Variants in TBC1D5 observed in about 807,000 individuals in gnomAD.
The protein encoded by TBC1D5 is TBC1 domain family member 5, also known as TBC1 domain family, member 5.
In TBC1D5, 75 loss-of-function variants were observed where a neutral mutation model predicts 100.3. The ratio of observed to expected loss-of-function variants is 0.75; its 90% confidence interval spans 0.62 to 0.91. The LOEUF is 0.91. Among genes scored for constraint, TBC1D5 ranks in the 40% least tolerant of loss-of-function variants. TBC1D5 has a pLI of 0.00. For synonymous variants in TBC1D5, 323 were observed against 325.6 expected, an observed-to-expected ratio of 0.99 and a Z score of 0.09; for missense variants, 910 against 942.4, an observed-to-expected ratio of 0.97 and a Z score of 0.45.
intron 4 of TBC1D5, among the ~76,000 whole-genome samples, chr3:17,407,278 A>G (rs1005023707): frequency 7.2e-5 from 11 of 152,142 alleles, no homozygotes; most frequent in African/African-American, 1.2e-4. Flanking sequence ...TTGGAAATTA[A>G]TTGTCCCAAA....
chr3:17,220,404 A>T (rs1219987525), intron 17 of TBC1D5, among the ~76,000 whole-genome samples: 1 of 152,116 alleles, frequency 6.6e-6, no homozygotes, highest in African/African-American at 2.4e-5. Context: ...ATAACTAGAG[A>T]GGCTGAGTAT....
At chr3:17,446,654 A>C (rs2094802737) in intron 3 of TBC1D5, among the ~76,000 whole-genome samples, 1 of 152,232 alleles carries the variant, frequency 6.6e-6, no homozygotes, top group East Asian at 1.9e-4. Flanking sequence ...ATAAAAACAG[A>C]GACAAGTAAA....
chr3:17,393,947 T>C (rs1023604103), intron 8 of TBC1D5, among the ~76,000 whole-genome samples: 5 of 152,054 alleles, frequency 3.3e-5, no homozygotes, highest in African/African-American at 9.7e-5. Flanking sequence ...CCAAAAGCAA[T>C]GGCAACAAAA....
intron 2 of TBC1D5, among the ~76,000 whole-genome samples, chr3:17,560,390 G>A (rs2096550724): frequency 6.6e-6 from 1 of 152,096 alleles, no homozygotes; most frequent in Non-Finnish European, 1.5e-5. Context: ...GGACAAGTTG[G>A]GAGGATCACT....
At chr3:17,579,911 G>T (rs376327995) in intron 2 of TBC1D5, among the ~76,000 whole-genome samples, 16 of 152,106 alleles carry the variant, frequency 1.1e-4, no homozygotes, top group African/African-American at 3.9e-4. Context: ...ATAGGAAAAT[G>T]TGAGAATTCT....
intron 14 of TBC1D5, among the ~76,000 whole-genome samples, chr3:17,297,812 A>ACTC (rs1457752556): frequency 6.7e-6 from 1 of 148,434 alleles, no homozygotes; most frequent in African/African-American, 2.5e-5. Context: ...CTGGTCTTGA[A>ACTC]CTCCTGGGCT....
intron 2 of TBC1D5, among the ~76,000 whole-genome samples, chr3:17,619,480 A>C (rs998020877): frequency 1.8e-4 from 27 of 152,258 alleles, no homozygotes; most frequent in African/African-American, 6.3e-4. Flanking sequence ...ATAGAAATCT[A>C]ATATCTGTAA....
At chr3:17,530,827 C>T (rs1395518301) in intron 2 of TBC1D5, among the ~76,000 whole-genome samples, 1 of 152,094 alleles carries the variant, frequency 6.6e-6, no homozygotes, top group Admixed American at 6.6e-5. Flanking sequence ...ATTGATGGGA[C>T]GTATCTCAAA....
intron 16 of TBC1D5, among the ~76,000 whole-genome samples, chr3:17,250,070 G>A (rs954965786): frequency 6.6e-6 from 1 of 152,190 alleles, no homozygotes; most frequent in African/African-American, 2.4e-5. Context: ...CCTTCAATAT[G>A]TAAAAAATGC....
intron 3 of TBC1D5, among the ~76,000 whole-genome samples, chr3:17,498,872 C>T (rs1303611665): frequency 6.6e-6 from 1 of 151,826 alleles, no homozygotes; most frequent in Non-Finnish European, 1.5e-5. Context: ...AATATATCAG[C>T]TATATTAAAA....
chr3:17,443,936 C>A (rs1034988620), intron 3 of TBC1D5, among the ~76,000 whole-genome samples: 2 of 152,040 alleles, frequency 1.3e-5, no homozygotes, highest in African/African-American at 4.8e-5. Flanking sequence ...ACAATACAGC[C>A]TCCCAGTAAA....
chr3:17,459,613 A>AGGGGCT (rs1239711909), intron 3 of TBC1D5, among the ~76,000 whole-genome samples: 8 of 152,084 alleles, frequency 5.3e-5, no homozygotes, highest in Non-Finnish European at 8.8e-5. Flanking sequence ...TGGCTGGGTG[A>AGGGGCT]GGGGCTGGAT....
chr3:17,287,407 T>C (rs7650336), intron 15 of TBC1D5, among the ~76,000 whole-genome samples: 1,767 of 152,298 alleles, frequency 0.012, 34 homozygotes, highest in African/African-American at 0.04. Flanking sequence ...AAGGAGGACA[T>C]GTCCTATCTG....
intron 15 of TBC1D5, among the ~76,000 whole-genome samples, chr3:17,284,716 T>A (rs2080990140): frequency 3.9e-5 from 6 of 152,222 alleles, no homozygotes; most frequent in Admixed American, 3.3e-4. Flanking sequence ...TTTCAAATAC[T>A]GGTTTAATAA....
intron 1 of TBC1D5, among the ~76,000 whole-genome samples, chr3:17,700,553 T>C (rs1435930870): frequency 6.6e-6 from 1 of 152,012 alleles, no homozygotes; most frequent in Non-Finnish European, 1.5e-5. Flanking sequence ...ACCTACAGAA[T>C]AGGAGAAAAT....
intron 13 of TBC1D5, among the ~76,000 whole-genome samples, chr3:17,356,714 A>G (rs1575500493): frequency 1.3e-5 from 2 of 152,324 alleles, no homozygotes; most frequent in Admixed American, 1.3e-4. Context: ...GTGAGCAGCA[A>G]TCAGAGGCAA....
rs561175708 is a variant in TBC1D5 at position 17,277,489 on chromosome 3, G to C, written c.1245+14406C>G. Among the ~76,000 whole-genome samples, 8 of 152,102 alleles carry C rather than the reference G, an allele frequency of 5.3e-5. No homozygotes were observed. In the East Asian group the frequency reaches 1.5e-3, roughly 29 times the overall value. On this transcript the variant is annotated intron_variant, in intron 15 of 21. Coordinates refer to ENST00000253692, the Ensembl canonical transcript of TBC1D5. The stretch of plus-strand genomic sequence containing the variant: ...TCAATCTCGTTGGGCTTTACTCTTT[G>C]GAAACCCGTAGGCAAGACTTGGCAA...
chr3:17,221,275 CTTTTT>C (rs905327270), intron 17 of TBC1D5, among the ~76,000 whole-genome samples: 1 of 147,548 alleles, frequency 6.8e-6, no homozygotes, highest in African/African-American at 2.5e-5. Context: ...CCTGTGAGTT[CTTTTT>C]TTTTTAATTT....
chr3:17,693,187 C>A (rs1326268870), intron 1 of TBC1D5, among the ~76,000 whole-genome samples: 3 of 152,212 alleles, frequency 2.0e-5, no homozygotes, highest in African/African-American at 4.8e-5. Context: ...CGGGTGATAT[C>A]TGCATTTCCA....
Sources: gnomAD v4.1 joint callset for allele counts (sites outside exome capture counted in the v4.1 genomes callset) on GRCh38, gnomAD v4.1.1 for gene constraint, MANE v1.5 for transcripts, NCBI Gene and HGNC (gene_info 2026-07-23, HGNC 2026-07-21) for gene names.